The following ATF7IP variants were observed in gnomAD, a reference collection of about 807,000 sequenced individuals.
The protein encoded by ATF7IP is activating transcription factor 7 interacting protein.
ATF7IP carries 23 observed loss-of-function variants against 106.4 expected under a neutral mutation model. The observed-to-expected ratio is 0.22, with a 90% CI of 0.16 to 0.31. The LOEUF (loss-of-function observed/expected upper bound fraction) is 0.31. ATF7IP is among the 10% of genes least tolerant of loss of function. ATF7IP has a pLI of 1.00. For synonymous variants in ATF7IP, 542 were observed against 539.0 expected (o/e 1.01, Z -0.08); for missense variants, 1,334 against 1,524.3 (o/e 0.88, Z 2.08).
At position 14,451,229 on chromosome 12, in the gene ATF7IP, T is replaced by A. The variant is rs1450620616; in HGVS notation, c.1995+4176T>A. Among the ~76,000 whole-genome samples the A allele has an allele frequency of 2.6e-5, 4 of 152,298 alleles. No individual in the cohort carries two copies. In the East Asian group the frequency reaches 7.7e-4, roughly 29 times the overall value. On this transcript the variant is annotated intron_variant, in intron 6 of 14. Transcript: ENST00000261168. ...TGTAATCCTTCCCATTTATGTAGCA[T>A]CAGTTCTAATGTCTTCTCTTTCTTT...
intron 2 of ATF7IP, among the ~76,000 whole-genome samples, chr12:14,425,900 AT>A (rs1337263603): frequency 2.6e-5 from 4 of 152,212 alleles, no homozygotes; most frequent in Non-Finnish European, 5.9e-5. Context: ...AATATTCCCA[AT>A]GAAATCCTGT....
chr12:14,485,759 G>T (rs1406846494), intron 13 of ATF7IP, among the ~76,000 whole-genome samples: 1 of 152,232 alleles, frequency 6.6e-6, no homozygotes, highest in African/African-American at 2.4e-5. Context: ...ACTAGGAGAT[G>T]TGTTAATTTT....
chr12:14,447,496 G>A (rs981685563), intron 6 of ATF7IP, among the ~76,000 whole-genome samples: 3 of 151,856 alleles, frequency 2.0e-5, no homozygotes, highest in African/African-American at 7.3e-5. Context: ...TGGCCAGGCT[G>A]GTCTCGAACT....
chr12:14,428,588 G>A (rs1941976088), intron 2 of ATF7IP, among the ~76,000 whole-genome samples: 1 of 152,116 alleles, frequency 6.6e-6, no homozygotes, highest in South Asian at 2.1e-4. Flanking sequence ...CTTTATTCTT[G>A]ACTAATTTTT....
At chr12:14,447,616 G>A (rs1401900102) in intron 6 of ATF7IP, among the ~76,000 whole-genome samples, 3 of 152,144 alleles carry the variant, frequency 2.0e-5, no homozygotes, top group Middle Eastern at 3.4e-3. Context: ...TGTATTTTCT[G>A]TCCATCTTTA....
chr12:14,418,089 C>G (rs1055879432), intron 1 of ATF7IP, among the ~76,000 whole-genome samples: 4 of 151,684 alleles, frequency 2.6e-5, no homozygotes, highest in Admixed American at 6.6e-5. Context: ...AGAAGAAGCT[C>G]GTTGGGCTTT....
intron 1 of ATF7IP, among the ~76,000 whole-genome samples, chr12:14,405,586 T>A (rs953473711): frequency 6.6e-6 from 1 of 151,796 alleles, no homozygotes; most frequent in Non-Finnish European, 1.5e-5. Context: ...TGCAAATTTT[T>A]AAATTTTTTT....
At chr12:14,449,898 A>C (rs1943130859) in intron 6 of ATF7IP, among the ~76,000 whole-genome samples, 1 of 151,868 alleles carries the variant, frequency 6.6e-6, no homozygotes, top group Non-Finnish European at 1.5e-5. Flanking sequence ...TTTATTGTGT[A>C]ATTGTTTTCT....
At chr12:14,381,093 GT>G (rs1227624799) in intron 1 of ATF7IP, among the ~76,000 whole-genome samples, 2 of 152,154 alleles carry the variant, frequency 1.3e-5, no homozygotes, top group East Asian at 3.8e-4. Flanking sequence ...CTTCACTCTG[GT>G]TTTCAAAGGT....
At chr12:14,390,256 A>G (rs1372917332) in intron 1 of ATF7IP, among the ~76,000 whole-genome samples, 1 of 152,210 alleles carries the variant, frequency 6.6e-6, no homozygotes, top group Non-Finnish European at 1.5e-5. Flanking sequence ...TTGGTAGGAG[A>G]GACTTAGAAT....
At chr12:14,492,977 T>C (rs1944878874) in intron 13 of ATF7IP, among the ~76,000 whole-genome samples, 1 of 152,206 alleles carries the variant, frequency 6.6e-6, no homozygotes, top group South Asian at 2.1e-4. Flanking sequence ...AGCTCTAAAG[T>C]GACTGATTCA....
At chr12:14,493,528 A>G (rs1044431265) in intron 13 of ATF7IP, among the ~76,000 whole-genome samples, 23 of 152,302 alleles carry the variant, frequency 1.5e-4, no homozygotes, top group Middle Eastern at 3.4e-3. Flanking sequence ...GGAAAGGCTG[A>G]TGGCAGCATG....
intron 1 of ATF7IP, among the ~76,000 whole-genome samples, chr12:14,396,338 A>G (rs1259591287): frequency 6.6e-6 from 1 of 152,076 alleles, no homozygotes. Flanking sequence ...ATAGTTGTAT[A>G]CTTTAAAACT....
rs1945059786 is a variant in ATF7IP, at chr12:14,497,881, C to T, written c.3621C>T (p.Ala1207=). 6.2e-7 allele frequency: 1 copy of T among 1,614,054 alleles called. No homozygotes were observed. Among genetic ancestry groups the T allele is most frequent in the African/African-American group, 1.3e-5 (1 of 74,936 alleles). Residue 1207 remains alanine (A), a synonymous_variant, in exon 15 of 15, where the codon GCC becomes GCT. Transcript: ENST00000261168. The stretch of plus-strand genomic sequence containing the variant: ...ATGCTTACCATGAGGAACCCAGTGC[C>T]ACTGTGCCCTCACAATGGAAAAAGA... ...HLYAYHEEPS[A]TVPSQWKKIG... is the part of the protein sequence containing the mutation.
At chr12:14,440,412 T>A (rs1334524787) in intron 5 of ATF7IP, among the ~76,000 whole-genome samples, 1 of 152,188 alleles carries the variant, frequency 6.6e-6, no homozygotes, top group Non-Finnish European at 1.5e-5. Context: ...ATTTTTAAAA[T>A]TTTTAAATTT....
intron 2 of ATF7IP, among the ~76,000 whole-genome samples, chr12:14,430,611 C>A (rs1274487745): frequency 6.6e-6 from 1 of 152,046 alleles, no homozygotes. Flanking sequence ...TTTATAGTTC[C>A]TTATCTGTGA....
intron 13 of ATF7IP, among the ~76,000 whole-genome samples, chr12:14,485,080 C>G (rs1202257103): frequency 1.3e-5 from 2 of 152,116 alleles, no homozygotes; most frequent in Non-Finnish European, 1.5e-5. Flanking sequence ...GCCAAAGGCT[C>G]TCACAGCATC....
chr12:14,369,175 A>G (rs55691234), intron 1 of ATF7IP: 10,980 of 149,082 alleles, frequency 0.074, 559 homozygotes, highest in Non-Finnish European at 0.11. Flanking sequence ...CTGGTCTTGA[A>G]CTCCAGGGGT....
chr12:14,419,715 T>G (rs991568784), intron 1 of ATF7IP, among the ~76,000 whole-genome samples: 3 of 152,162 alleles, frequency 2.0e-5, no homozygotes, highest in African/African-American at 7.2e-5. Context: ...AGTCTGTAAT[T>G]AAAAACCCTT....
Sources: gnomAD v4.1 joint callset for allele counts (sites outside exome capture counted in the v4.1 genomes callset) on GRCh38, gnomAD v4.1.1 for gene constraint, MANE v1.5 for transcripts, NCBI Gene and HGNC (gene_info 2026-07-23, HGNC 2026-07-21) for gene names.